PLD5: variants seen among roughly 807,000 people sequenced by gnomAD.
PLD5 encodes the protein phospholipase D family member 5, also known as inactive phospholipase D5.
Under a neutral mutation model 61.1 loss-of-function variants are expected in PLD5, and 36 were observed. The ratio of observed to expected loss-of-function variants is 0.59; its 90% CI spans 0.45 to 0.78. The LOEUF (loss-of-function observed/expected upper bound fraction) is 0.78, where lower values mean the gene tolerates loss of function less well. Among genes scored for constraint, PLD5 ranks in the 30% least tolerant of loss-of-function variants. The pLI is 0.00. For missense variants in PLD5, 515 were observed against 644.4 expected (o/e 0.80, Z 2.17); for synonymous variants, 243 against 242.8 (o/e 1.00, Z -0.01).
At chr1:242,184,049 C>T (rs1379840381) in intron 5 of PLD5, among the ~76,000 whole-genome samples, 1 of 152,180 alleles carries the variant, frequency 6.6e-6, no homozygotes, top group Non-Finnish European at 1.5e-5. Flanking sequence ...CCCACAGTTA[C>T]GCACTAATGG....
At chr1:242,171,504 T>C (rs1666744504) in intron 5 of PLD5, among the ~76,000 whole-genome samples, 1 of 152,158 alleles carries the variant, frequency 6.6e-6, no homozygotes, top group South Asian at 2.1e-4. Flanking sequence ...AATAATCAGC[T>C]AGCATCACAA....
intron 5 of PLD5, among the ~76,000 whole-genome samples, chr1:242,218,126 G>T (rs1383866313): frequency 3.3e-5 from 5 of 152,104 alleles, no homozygotes; most frequent in African/African-American, 1.2e-4. Flanking sequence ...TATTTTAAGA[G>T]ATTGCTATAG....
chr1:242,106,935 C>T lies in PLD5; in HGVS notation c.1239+736G>A, dbSNP rs148195714. Among the ~76,000 whole-genome samples the T allele has an allele frequency of 4.1e-4, 62 of 152,164 alleles. No homozygotes were observed. In the East Asian group the frequency reaches 9.9e-3, roughly 24 times the overall value. ...AGTCTGGGGTGGAGGAAGAGGGCGACGAGGACTGGAGTAGAGTCAAACATG... is the reference window on the plus strand; with the variant it reads ...AGTCTGGGGTGGAGGAAGAGGGCGATGAGGACTGGAGTAGAGTCAAACATG... On this transcript the variant is annotated intron_variant, in intron 8 of 9. Transcript: ENST00000536534.
intron 5 of PLD5, among the ~76,000 whole-genome samples, chr1:242,199,184 A>G (rs1366930364): frequency 1.3e-5 from 2 of 152,164 alleles, no homozygotes; most frequent in South Asian, 4.1e-4. Flanking sequence ...GCTCACATTC[A>G]TGGCCTGGGC....
intron 1 of PLD5, among the ~76,000 whole-genome samples, chr1:242,360,978 C>A (rs1355460638): frequency 6.6e-6 from 1 of 152,018 alleles, no homozygotes; most frequent in Non-Finnish European, 1.5e-5. Flanking sequence ...AATAGAGCAG[C>A]TTGAAAATAC....
intron 1 of PLD5, among the ~76,000 whole-genome samples, chr1:242,454,982 G>A (rs969868018): frequency 1.3e-5 from 2 of 152,098 alleles, no homozygotes; most frequent in African/African-American, 4.8e-5. Flanking sequence ...CACAATCAGG[G>A]TATAGTTCTC....
chr1:242,201,713 TG>T (rs1668998590), intron 5 of PLD5, among the ~76,000 whole-genome samples: 1 of 152,288 alleles, frequency 6.6e-6, no homozygotes, highest in South Asian at 2.1e-4. Flanking sequence ...TAACAAAATC[TG>T]TATATGTATG....
At chr1:242,214,179 C>G (rs564385775) in intron 5 of PLD5, among the ~76,000 whole-genome samples, 2 of 152,120 alleles carry the variant, frequency 1.3e-5, no homozygotes, top group Non-Finnish European at 2.9e-5. Context: ...TGCTTTAACA[C>G]TGTTTACTGA....
chr1:242,212,691 G>T (rs1371086155), intron 5 of PLD5, among the ~76,000 whole-genome samples: 1 of 152,234 alleles, frequency 6.6e-6, no homozygotes, highest in Non-Finnish European at 1.5e-5. Context: ...AGTGGCTGCC[G>T]CCCTGGGGCC....
chr1:242,381,424 G>A (rs1480752148), intron 1 of PLD5, among the ~76,000 whole-genome samples: 1 of 152,070 alleles, frequency 6.6e-6, no homozygotes, highest in Non-Finnish European at 1.5e-5. Flanking sequence ...GAAGGAGGCA[G>A]GAATAGCTAA....
At chr1:242,180,127 AAGGTGGGGTCCTG>A (rs1266246199) in intron 5 of PLD5, among the ~76,000 whole-genome samples, 1 of 152,174 alleles carries the variant, frequency 6.6e-6, no homozygotes, top group East Asian at 1.9e-4. Context: ...CAGGCTGACC[AAGGTGGGGTCCTG>A]GCTGTGTCAC....
chr1:242,386,713 G>A (rs1662622035), intron 1 of PLD5, among the ~76,000 whole-genome samples: 1 of 152,166 alleles, frequency 6.6e-6, no homozygotes, highest in Non-Finnish European at 1.5e-5. Context: ...CATGGCTCTT[G>A]ACTGTACTCT....
chr1:242,181,256 T>A (rs1374828495), intron 5 of PLD5, among the ~76,000 whole-genome samples: 1 of 152,142 alleles, frequency 6.6e-6, no homozygotes, highest in Non-Finnish European at 1.5e-5. Flanking sequence ...GGTCTGCAGA[T>A]CACACTTGCA....
chr1:242,376,187 T>C (rs1661943374), intron 1 of PLD5, among the ~76,000 whole-genome samples: 1 of 152,222 alleles, frequency 6.6e-6, no homozygotes, highest in Non-Finnish European at 1.5e-5. Flanking sequence ...GTCCCATTTT[T>C]TTCTTTAGAA....
chr1:242,223,617 A>G (rs1241800490), intron 4 of PLD5, among the ~76,000 whole-genome samples: 2 of 152,216 alleles, frequency 1.3e-5, no homozygotes, highest in African/African-American at 4.8e-5. Context: ...ACAGTCTTAC[A>G]TGGCATGCTT....
chr1:242,473,968 T>A (rs1239711700), intron 1 of PLD5, among the ~76,000 whole-genome samples: 1 of 152,144 alleles, frequency 6.6e-6, no homozygotes, highest in Non-Finnish European at 1.5e-5. Context: ...TGCAATTGCC[T>A]GTAAATCTGT....
intron 2 of PLD5, among the ~76,000 whole-genome samples, chr1:242,315,674 G>A (rs1676965253): frequency 6.6e-6 from 1 of 152,100 alleles, no homozygotes; most frequent in South Asian, 2.1e-4. Flanking sequence ...AAGGGATCTT[G>A]CTACATTGTC....
At chr1:242,442,163 T>A (rs1487991530) in intron 1 of PLD5, among the ~76,000 whole-genome samples, 1 of 152,200 alleles carries the variant, frequency 6.6e-6, no homozygotes, top group African/African-American at 2.4e-5. Flanking sequence ...CCTTGGCCGA[T>A]GCCCATCATG....
intron 1 of PLD5, among the ~76,000 whole-genome samples, chr1:242,482,576 G>A (rs985105692): frequency 4.6e-5 from 7 of 152,202 alleles, no homozygotes; most frequent in African/African-American, 1.7e-4. Flanking sequence ...CCAAATCTAT[G>A]TCTGATTGGT....
Sources: allele counts gnomAD v4.1 joint callset (sites outside exome capture counted in the v4.1 genomes callset), GRCh38; gene constraint gnomAD v4.1.1; transcripts MANE v1.5; gene names NCBI Gene and HGNC (gene_info 2026-07-23, HGNC 2026-07-21).